Variants in NOTCH4 observed in about 807,000 individuals in gnomAD.
NOTCH4 encodes the protein neurogenic locus notch homolog protein 4.
NOTCH4 carries 138 observed loss-of-function variants against 189.0 expected under a neutral mutation model. That is an observed-to-expected ratio of 0.73 (90% CI 0.64 to 0.84). NOTCH4 has a LOEUF of 0.84. NOTCH4 is among the 40% of genes least tolerant of loss of function. The pLI, the probability that NOTCH4 is intolerant of heterozygous loss-of-function variation, is 0.00. For missense variants in NOTCH4, 2,286 were observed against 2,605.4 expected (o/e 0.88, Z 2.67); for synonymous variants, 942 against 1,032.8 (o/e 0.91, Z 1.69).
intron 18 of NOTCH4, 26 bp from the exon 19 acceptor site, chr6:32,204,415 G>T: frequency 6.2e-7 from 1 of 1,607,078 alleles, no homozygotes; most frequent in Middle Eastern, 1.7e-4. Flanking sequence ...ATTAGACAGG[G>T]AACCAGTGGA....
chr6:32,205,879 T>G (rs1788647122), intron 18 of NOTCH4, among the ~76,000 whole-genome samples: 1 of 151,644 alleles, frequency 6.6e-6, no homozygotes, highest in Non-Finnish European at 1.5e-5. Context: ...AATACACACA[T>G]ACACAAAATT....
At chr6:32,216,844 A>G (rs1045147430) in intron 11 of NOTCH4, 101 bp downstream of exon 11, 3 of 1,317,668 alleles carry the variant, frequency 2.3e-6, no homozygotes, top group Non-Finnish European at 3.3e-6. Flanking sequence ...TTCTCATTCT[A>G]TTCTCACATC....
rs528790244 is a variant in NOTCH4 at position 32,218,402 on chromosome 6, C to T, written c.1511-294G>A. On this transcript the variant is annotated intron_variant, in intron 8 of 29. Transcript: ENST00000375023. ...ATACAGAGGGCGGGGCTCACCAGGG[C>T]AGGCTGATCAGCCTGGAGGACCTCA... 5.3e-5 allele frequency among the ~76,000 whole-genome samples: 8 copies of T among 152,262 alleles called. No homozygotes were observed. In the East Asian group the frequency reaches 1.5e-3, roughly 29 times the overall value.
intron 18 of NOTCH4, among the ~76,000 whole-genome samples, chr6:32,209,547 A>G (rs146958518): frequency 1.3e-5 from 2 of 152,306 alleles, no homozygotes; most frequent in African/African-American, 4.8e-5. Context: ...AGATATCCCA[A>G]TTACCCTGAT....
chr6:32,212,475 T>C lies in NOTCH4; in HGVS notation c.2679A>G (p.Gln893=), dbSNP rs1789081702. ...CCAGTCAGTGCCGGCGTTGGTTACC[T>C]TGGCTCAGTGCAGCCTTCTGGCAGG... ...LSSCQKAALS[Q]GIDVSSLCHN... is the part of the protein sequence containing the mutation. The change falls in exon 17 of 30, where the codon CAA becomes CAG. Residue 893 remains glutamine, a splice_region_variant and synonymous_variant. Transcript: ENST00000375023. This position sits in a 1 kb window ranked among gnomAD's most constrained non-coding sequence, Gnocchi z 4.4. 6.2e-7 allele frequency: 1 copy of C among 1,607,510 alleles called. No homozygotes were observed. Among genetic ancestry groups the C allele is most frequent in the African/African-American group, 1.3e-5 (1 of 74,728 alleles).
At chr6:32,196,805 G>T (rs1292846645) in intron 28 of NOTCH4, 120 bp downstream of exon 28, 1 of 1,325,156 alleles carries the variant, frequency 7.5e-7, no homozygotes, top group South Asian at 1.3e-5. Context: ...ATCTCAGATT[G>T]ACCGCCGTAA....
chr6:32,196,182 A>G, intron 29 of NOTCH4, 32 bp from the exon 30 acceptor site: 1 of 1,591,784 alleles, frequency 6.3e-7, no homozygotes, highest in Non-Finnish European at 8.5e-7. Flanking sequence ...GATATCAGGG[A>G]AGGCCACGCC....
At chr6:32,197,624 CT>C (rs1431905906) in intron 26 of NOTCH4, 30 bp from the exon 27 acceptor site, 2 of 1,571,244 alleles carry the variant, frequency 1.3e-6, no homozygotes. Flanking sequence ...ATGGGTCAAT[CT>C]AAAGGACACA....
At position 32,202,691 on chromosome 6, in the gene NOTCH4, G is replaced by C. The variant is rs1357402359; in HGVS notation, c.3232-92C>G. On this transcript the variant is annotated intron_variant, in intron 20 of 29. Coordinates refer to ENST00000375023, the MANE Select transcript of NOTCH4 (RefSeq NM_004557.4). The surrounding 1 kb of genome is among the most constrained non-coding windows in gnomAD (Gnocchi z 5.7). ...ACTCTTGGGTTAAGACGGTGCAGAGGGTCCTAGATTCTCATATCTAAAAGG... is the reference window on the plus strand; with the variant it reads ...ACTCTTGGGTTAAGACGGTGCAGAGCGTCCTAGATTCTCATATCTAAAAGG... 8.2e-7 allele frequency: 1 copy of C among 1,217,952 alleles called. No homozygotes were observed. Among genetic ancestry groups the C allele is most frequent in the Non-Finnish European group, 1.1e-6 (1 of 897,906 alleles). The allele number at this position is 1,217,952 out of a possible 1,614,324, so 75.4% of individuals were successfully genotyped here.
intron 7 of NOTCH4, 133 bp downstream of exon 7, chr6:32,219,996 G>T (rs1429173509): frequency 3.4e-5 from 37 of 1,097,676 alleles, no homozygotes; most frequent in Non-Finnish European, 4.8e-5. Context: ...GTAGGCAAGA[G>T]ATGCCAAATC....
At chr6:32,197,819 C>CT (rs9281668) in intron 26 of NOTCH4, among the ~76,000 whole-genome samples, 43,274 of 132,904 alleles carry the variant, frequency 0.33, 7,857 homozygotes, top group Non-Finnish European at 0.39. Flanking sequence ...GTGGTTTTCT[C>CT]TTTTTTTTTT....
chr6:32,205,149 G>T (rs1468153762), intron 18 of NOTCH4, among the ~76,000 whole-genome samples: 1 of 151,494 alleles, frequency 6.6e-6, no homozygotes, highest in Non-Finnish European at 1.5e-5. Context: ...TACCAGGAAG[G>T]CAGGCTTCAA....
In NOTCH4 at chr6:32,201,847, A is replaced by T; in HGVS notation, c.3755+229T>A. 2.4e-6 allele frequency: 1 copy of T among 421,810 alleles called. No homozygotes were observed. Among genetic ancestry groups the T allele is most frequent in the Non-Finnish European group, 4.1e-6 (1 of 245,714 alleles). The allele number at this position is 421,810 out of a possible 1,614,324, so 26.1% of individuals were successfully genotyped here. ...GAGGCTTGAGACCTGAGTTCCTTCA[A>T]CTCTTAGAGAGGAGCCCAAAGGCCA... On this transcript the variant is annotated intron_variant, in intron 21 of 29. Transcript: ENST00000375023. This position sits in a 1 kb window ranked among gnomAD's most constrained non-coding sequence, Gnocchi z 5.5.
At position 32,214,270 on chromosome 6, in the gene NOTCH4, AAAGGGGAGGGTTT is replaced by A; in HGVS notation, c.2022-28_2022-16del. The A allele has an allele frequency of 6.2e-7, 1 of 1,611,464 alleles. No individual in the cohort carries two copies. The highest frequency in any genetic ancestry group is 8.5e-7 in the Non-Finnish European group (1 of 1,179,078). On this transcript the variant is annotated splice_polypyrimidine_tract_variant and intron_variant, in intron 12 of 29. Coordinates refer to ENST00000375023, the MANE Select transcript of NOTCH4 (RefSeq NM_004557.4). The stretch of plus-strand genomic sequence containing the variant: ...CACATGAGGATCTGGTTGTAAAGAG[AAAGGGGAGGGTTT>A]TTCTCTTCTCCTACTGCTTATGTTC...
Position 32,221,198 on chromosome 6 carries a change from A to C in NOTCH4, c.579T>G (p.Arg193=), listed in dbSNP as rs1789755302. 3.7e-6 allele frequency: 6 copies of C among 1,613,060 alleles called. No individual in the cohort carries two copies. The highest frequency in any genetic ancestry group is 5.1e-6 in the Non-Finnish European group (6 of 1,180,024). The change falls in exon 4 of 30, where the codon CGT becomes CGG. Residue 193 remains arginine (R), a synonymous_variant. Transcript: ENST00000375023. This position sits in a 1 kb window ranked among gnomAD's most constrained non-coding sequence, Gnocchi z 4.3. ...PPGFEGHACE[R]DVNECFQDPG... is the part of the protein sequence containing the mutation. ...GGTCCTGGAAGCACTCGTTGACATC[A>C]CGTTCACAGGCATGGCCCTCGAAGC...
In NOTCH4 at chr6:32,196,803, T is replaced by C. The variant is rs1282477484; in HGVS notation, c.5200+122A>G. On this transcript the variant is annotated intron_variant, in intron 28 of 29. Transcript: ENST00000375023. ...GCCCGTACTTCCACCGCATCTCAGA[T>C]TGACCGCCGTAACAGCAGGATGAGA... 5.3e-6 allele frequency: 7 copies of C among 1,310,432 alleles called. No individual in the cohort carries two copies. In the African/African-American group the frequency reaches 5.8e-5, roughly 11 times the overall value. The allele number at this position is 1,310,432 out of a possible 1,614,324, so 81.2% of individuals were successfully genotyped here. A position where few individuals can be genotyped will look rare whatever the true frequency, so the allele number is the denominator to read the frequency against.
rs745950790 is a variant in NOTCH4, at chr6:32,199,837, C to T, written c.4316-692G>A. Reference sequence around the variant, plus strand: ...CAGAGGTTGCAGTGAGCTGAGATGGCGTCACTGTACTCCAGTGTGGCTGAC... The same window carrying T: ...CAGAGGTTGCAGTGAGCTGAGATGGTGTCACTGTACTCCAGTGTGGCTGAC... On this transcript the variant is annotated intron_variant, in intron 23 of 29. Coordinates refer to ENST00000375023, the MANE Select transcript of NOTCH4 (RefSeq NM_004557.4). This position sits in a 1 kb window ranked among gnomAD's most constrained non-coding sequence, Gnocchi z 4.9. Among the ~76,000 whole-genome samples the T allele has an allele frequency of 6.6e-6, 1 of 152,142 alleles. No homozygotes were observed. Among genetic ancestry groups the T allele is most frequent in the Non-Finnish European group, 1.5e-5 (1 of 68,038 alleles).
At position 32,222,679 on chromosome 6, in the gene NOTCH4, A is replaced by T. The variant is rs2127490960; in HGVS notation, c.283T>A (p.Ser95Thr). 1 of 1,604,738 alleles carries T rather than the reference A, an allele frequency of 6.2e-7. No individual in the cohort carries two copies. Among genetic ancestry groups the T allele is most frequent in the Non-Finnish European group, 8.5e-7 (1 of 1,177,470 alleles). Residue 95 changes from serine to threonine, a missense_variant, in exon 3 of 30, where the codon TCT (serine) becomes ACT (threonine). Transcript: ENST00000375023. ...CACAAGAAGCTGGGTGTCAATGGAGAGGGAGAGCTGGGGAGCCCTAGGGGA... is the reference window on the plus strand; with the variant it reads ...CACAAGAAGCTGGGTGTCAATGGAGTGGGAGAGCTGGGGAGCCCTAGGGGA... The part of the protein sequence containing the change: ...PAPLGLPSSP[S>T]PLTPSFLCTC...
chr6:32,195,973 C>T lies in NOTCH4; in HGVS notation c.5476G>A (p.Glu1826Lys), dbSNP rs1787876797. 1 of 1,597,926 alleles carries T rather than the reference C, an allele frequency of 6.3e-7. No homozygotes were observed. The change falls in exon 30 of 30, where the codon GAG becomes AAG. Residue 1826 changes from glutamate to lysine, a missense_variant. Physicochemically the swap from Glu to Lys is moderately conservative, Grantham distance 56. Coordinates refer to ENST00000375023, the MANE Select transcript of NOTCH4 (RefSeq NM_004557.4). This position sits in a 1 kb window ranked among gnomAD's most constrained non-coding sequence, Gnocchi z 5.4. ...LTLLEGAGPPEARHKATPGRE... is the reference protein window; with the variant it reads ...LTLLEGAGPPKARHKATPGRE... Reference sequence around the variant, plus strand: ...CCCGGCGTGGCTTTGTGACGGGCCTCTGGTGGCCCAGCCCCTTCCAGCAGC... The same window carrying T: ...CCCGGCGTGGCTTTGTGACGGGCCTTTGGTGGCCCAGCCCCTTCCAGCAGC...
Sources: allele counts gnomAD v4.1 joint callset (sites outside exome capture counted in the v4.1 genomes callset), GRCh38; gene constraint gnomAD v4.1.1; non-coding constraint Gnocchi (gnomAD v3.1); transcripts MANE v1.5; gene names NCBI Gene and HGNC (gene_info 2026-07-23, HGNC 2026-07-21).